Variants in SCARB1 observed in about 807,000 individuals in gnomAD.
SCARB1 encodes scavenger receptor class B member 1.
In SCARB1, 30 loss-of-function variants were observed where a neutral mutation model predicts 57.2. That is an observed-to-expected ratio of 0.52 (90% CI 0.39 to 0.71). The LOEUF (loss-of-function observed/expected upper bound fraction) is 0.71. Among genes scored for constraint, SCARB1 ranks in the 30% least tolerant of loss-of-function variants. SCARB1 has a pLI of 0.00. For synonymous variants in SCARB1, 249 were observed against 268.3 expected, an observed-to-expected ratio of 0.93 and a Z score of 0.70; for missense variants, 543 against 671.2, an observed-to-expected ratio of 0.81 and a Z score of 2.11.
At position 124,810,141 on chromosome 12, in the gene SCARB1, G is replaced by A; in HGVS notation, c.842+33C>T. 2 of 1,470,338 alleles carry A rather than the reference G, an allele frequency of 1.4e-6. No homozygotes were observed. Among genetic ancestry groups the A allele is most frequent in the Non-Finnish European group, 1.9e-6 (2 of 1,050,498 alleles). 91.1% of individuals were successfully genotyped at this position (1,470,338 alleles called of 1,614,324 possible). A position where few individuals can be genotyped will look rare whatever the true frequency, so the allele number is the denominator to read the frequency against. ...CAGAATTTGGCCATGAGCTACCCAG[G>A]AAACCCAGGAGGCCCCGAGTCCCAG... On this transcript the variant is annotated intron_variant, in intron 6 of 12. Transcript: ENST00000261693. This position sits in a 1 kb window ranked among gnomAD's most constrained non-coding sequence, Gnocchi z 4.0.
At position 124,849,999 on chromosome 12, in the gene SCARB1, A is replaced by AGCT. The variant is rs1298738582; in HGVS notation, c.126+13593_126+13595dup. Among the ~76,000 whole-genome samples, 7 of 126,198 alleles carry AGCT rather than the reference A, an allele frequency of 5.5e-5. 2 individuals are homozygous for AGCT. Among genetic ancestry groups the AGCT allele is most frequent in the Admixed American group, 5.3e-4 (7 of 13,242 alleles). The allele number at this position is 126,198 out of a possible 152,430, so 82.8% of individuals were successfully genotyped here. On this transcript the variant is annotated intron_variant, in intron 1 of 12. Transcript: ENST00000261693. ...GGATCGATTGAGCCTGAGTGGTTGA[A>AGCT]GCTGCAGTGAGCCGTAATCATGCCA...
At chr12:124,808,415 C>T (rs917179299) in intron 6 of SCARB1, among the ~76,000 whole-genome samples, 1 of 152,158 alleles carries the variant, frequency 6.6e-6, no homozygotes, top group South Asian at 2.1e-4. Context: ...CTTATCTAGC[C>T]CCTGCATAAG....
intron 1 of SCARB1, among the ~76,000 whole-genome samples, chr12:124,842,383 T>C (rs1179744814): frequency 6.6e-6 from 1 of 152,222 alleles, no homozygotes; most frequent in Admixed American, 6.5e-5. Flanking sequence ...TGCTCATTCT[T>C]CCATCCGTCC....
intron 9 of SCARB1, among the ~76,000 whole-genome samples, chr12:124,794,223 T>TA (rs775611881): frequency 1.1e-4 from 16 of 152,310 alleles, no homozygotes; most frequent in Non-Finnish European, 2.4e-4. Flanking sequence ...TGGTGATAGA[T>TA]ACACAATTCT....
In SCARB1 at chr12:124,810,446, G is replaced by C. The variant is rs1218651363; in HGVS notation, c.727-157C>G. ...AGAGGGCAGGCTATGTAGACACACAGAGAGAATGCCTACCACAGCTTCCCC... is the reference window on the plus strand; with the variant it reads ...AGAGGGCAGGCTATGTAGACACACACAGAGAATGCCTACCACAGCTTCCCC... On this transcript the variant is annotated intron_variant, in intron 5 of 12. Coordinates refer to ENST00000261693, the MANE Select transcript of SCARB1 (RefSeq NM_005505.5). This position sits in a 1 kb window ranked among gnomAD's most constrained non-coding sequence, Gnocchi z 4.0. 2.0e-5 allele frequency among the ~76,000 whole-genome samples: 3 copies of C among 152,158 alleles called. No homozygotes were observed. The highest frequency in any genetic ancestry group is 7.2e-5 in the African/African-American group (3 of 41,438).
intron 7 of SCARB1, among the ~76,000 whole-genome samples, chr12:124,804,892 G>A (rs555839403): frequency 3.6e-4 from 55 of 152,272 alleles, no homozygotes; most frequent in African/African-American, 1.2e-3. Flanking sequence ...GACCTTGGTC[G>A]CATCCAGCAT....
At position 124,812,786 on chromosome 12, in the gene SCARB1, C is replaced by G. The variant is rs1165548290; in HGVS notation, c.631-821G>C. On this transcript the variant is annotated intron_variant, in intron 4 of 12. Transcript: ENST00000261693. The surrounding 1 kb of genome is among the most constrained non-coding windows in gnomAD (Gnocchi z 4.3). ...CCCATCACAGACCTCCAGAGCAGGA[C>G]CCAGCACAAGGCCCCAGCCCAGCAT... Among the ~76,000 whole-genome samples, 1 of 152,102 alleles carries G rather than the reference C, an allele frequency of 6.6e-6. No homozygotes were observed. Among genetic ancestry groups the G allele is most frequent in the Non-Finnish European group, 1.5e-5 (1 of 68,018 alleles).
Position 124,817,142 on chromosome 12 carries a change from GTGTA to G in SCARB1, c.284+404_284+407del, listed in dbSNP as rs1384005410. Among the ~76,000 whole-genome samples, 1 of 151,362 alleles carries G rather than the reference GTGTA, an allele frequency of 6.6e-6. No individual in the cohort carries two copies. Among genetic ancestry groups the G allele is most frequent in the Non-Finnish European group, 1.5e-5 (1 of 67,830 alleles). ...TATGTATGTATGTGTGTATGTGTAT[GTGTA>G]TGTGTGTGTATGTATGTGTGTAACT... On this transcript the variant is annotated intron_variant, in intron 2 of 12. Transcript: ENST00000261693. The surrounding 1 kb of genome is among the most constrained non-coding windows in gnomAD (Gnocchi z 4.8).
chr12:124,852,548 C>T (rs982552401), intron 1 of SCARB1, among the ~76,000 whole-genome samples: 1 of 152,232 alleles, frequency 6.6e-6, no homozygotes, highest in East Asian at 1.9e-4. Context: ...CTGCGGAGGA[C>T]CCCCACTGGG....
At chr12:124,843,929 C>T (rs922267132) in intron 1 of SCARB1, among the ~76,000 whole-genome samples, 5 of 152,308 alleles carry the variant, frequency 3.3e-5, no homozygotes, top group South Asian at 2.1e-4. Context: ...AAGACTAAAT[C>T]GTCTCAGGTG....
chr12:124,826,188 A>G (rs1012306577), intron 1 of SCARB1, among the ~76,000 whole-genome samples: 13 of 151,918 alleles, frequency 8.6e-5, no homozygotes, highest in Non-Finnish European at 1.6e-4. Flanking sequence ...AAAATTAGCC[A>G]GGCACAGTGG....
chr12:124,854,876 G>T (rs964235982), intron 1 of SCARB1, among the ~76,000 whole-genome samples: 3 of 152,078 alleles, frequency 2.0e-5, no homozygotes, highest in African/African-American at 7.2e-5. Context: ...TTGGACACTC[G>T]GGGGTGGGGT....
intron 1 of SCARB1, among the ~76,000 whole-genome samples, chr12:124,828,036 G>A (rs746720942): frequency 1.4e-4 from 21 of 152,196 alleles, no homozygotes; most frequent in Non-Finnish European, 2.6e-4. Context: ...AGTGAGACCT[G>A]AAACCATATA....
At position 124,863,836 on chromosome 12, in the gene SCARB1, G is replaced by T. The variant is rs1953006840; in HGVS notation, c.-116C>A. ...CCGGGCACGCAGGCCGCAGAGGCAC[G>T]GTGGATCCGGGACGGCAGCGCACGC... On this transcript the variant is annotated 5_prime_UTR_variant, in exon 1 of 13. Coordinates refer to ENST00000261693, the MANE Select transcript of SCARB1 (RefSeq NM_005505.5). The T allele has an allele frequency of 7.1e-6, 9 of 1,260,708 alleles. No homozygotes were observed. Among genetic ancestry groups the T allele is most frequent in the Non-Finnish European group, 9.2e-6 (9 of 975,794 alleles). The allele number at this position is 1,260,708 out of a possible 1,614,324, so 78.1% of individuals were successfully genotyped here.
At chr12:124,798,317 A>AG (rs1381225481) in intron 8 of SCARB1, among the ~76,000 whole-genome samples, 10 of 151,624 alleles carry the variant, frequency 6.6e-5, no homozygotes, top group Non-Finnish European at 1.5e-4. Flanking sequence ...AGGCCGAGGC[A>AG]GGAGAATTGC....
intron 1 of SCARB1, among the ~76,000 whole-genome samples, chr12:124,861,454 C>G (rs1311613615): frequency 6.6e-6 from 1 of 151,128 alleles, no homozygotes; most frequent in Admixed American, 6.7e-5. Flanking sequence ...GTAGGGACTT[C>G]TGTTGTTAAC....
chr12:124,842,430 C>T (rs1951942584), intron 1 of SCARB1, among the ~76,000 whole-genome samples: 1 of 152,270 alleles, frequency 6.6e-6, no homozygotes, highest in Non-Finnish European at 1.5e-5. Flanking sequence ...TCCCCACACA[C>T]CTCCCAGGGT....
intron 1 of SCARB1, among the ~76,000 whole-genome samples, chr12:124,859,517 C>A (rs1330523850): frequency 4.3e-5 from 6 of 140,190 alleles, no homozygotes; most frequent in Non-Finnish European, 9.2e-5. Context: ...GGCGACAGAG[C>A]GAGACTCCAT....
At chr12:124,791,494 G>A (rs751468291) in intron 9 of SCARB1, among the ~76,000 whole-genome samples, 6 of 152,058 alleles carry the variant, frequency 3.9e-5, no homozygotes, top group African/African-American at 9.7e-5. Context: ...AAAATTACCC[G>A]GCATATAAAA....
Sources: gnomAD v4.1 joint callset for allele counts (sites outside exome capture counted in the v4.1 genomes callset) on GRCh38, gnomAD v4.1.1 for gene constraint, Gnocchi (gnomAD v3.1) non-coding constraint, MANE v1.5 for transcripts, NCBI Gene and HGNC (gene_info 2026-07-23, HGNC 2026-07-21) for gene names.